Variants in GPM6A observed in about 807,000 individuals in gnomAD.
The protein encoded by GPM6A is neuronal membrane glycoprotein M6-a.
Under a neutral mutation model 32.1 loss-of-function variants are expected in GPM6A, and 7 were observed. The observed-to-expected ratio is 0.22, with a 90% CI of 0.12 to 0.41. The LOEUF (loss-of-function observed/expected upper bound fraction) is 0.41, where lower values mean the gene tolerates loss of function less well. Among genes scored for constraint, GPM6A ranks in the 10% least tolerant of loss-of-function variants. The probability of loss-of-function intolerance (pLI) is 1.00; values close to 1 mark genes in which losing one functional copy is unlikely to be tolerated. For missense variants in GPM6A, 235 were observed against 347.2 expected (o/e 0.68, Z 2.57); for synonymous variants, 130 against 123.4 (o/e 1.05, Z -0.35).
At chr4:175,674,828 T>C (rs1019136185) in intron 2 of GPM6A, among the ~76,000 whole-genome samples, 7 of 152,058 alleles carry the variant, frequency 4.6e-5, no homozygotes, top group African/African-American at 7.2e-5. Context: ...TGAGCCAAGA[T>C]ATGGCATACT....
chr4:175,749,554 TGTATA>T (rs1261786668), intron 1 of GPM6A, among the ~76,000 whole-genome samples: 6 of 152,206 alleles, frequency 3.9e-5, no homozygotes, highest in African/African-American at 1.4e-4. Flanking sequence ...AGCTTTAAAA[TGTATA>T]GTAATGTGTT....
intron 1 of GPM6A, among the ~76,000 whole-genome samples, chr4:175,845,948 G>A (rs1480852439): frequency 6.6e-6 from 1 of 151,948 alleles, no homozygotes; most frequent in East Asian, 1.9e-4. Context: ...ATACTTAAAA[G>A]TAGAGAAAAA....
At chr4:175,644,888 G>C (rs1230395749) in intron 4 of GPM6A, among the ~76,000 whole-genome samples, 6 of 151,714 alleles carry the variant, frequency 4.0e-5, no homozygotes, top group African/African-American at 1.4e-4. Context: ...AGGCGGATCA[G>C]CTGAGGTCAG....
chr4:175,718,610 T>C (rs577284590), intron 1 of GPM6A, among the ~76,000 whole-genome samples: 4 of 151,852 alleles, frequency 2.6e-5, no homozygotes, highest in Non-Finnish European at 4.4e-5. Flanking sequence ...ACTAAGACTC[T>C]GTCGAAAAAA....
At chr4:175,693,097 A>C (rs576755582) in intron 2 of GPM6A, among the ~76,000 whole-genome samples, 14 of 151,888 alleles carry the variant, frequency 9.2e-5, no homozygotes, top group Non-Finnish European at 2.1e-4. Context: ...CACTTTTCTC[A>C]CATACCTTTC....
intron 1 of GPM6A, among the ~76,000 whole-genome samples, chr4:175,803,166 CA>C (rs1367049575): frequency 2.8e-3 from 37 of 13,138 alleles, no homozygotes; most frequent in Non-Finnish European, 0.023. Flanking sequence ...GTTCTCGTTT[CA>C]TCATCATCAT....
chr4:175,887,655 G>C (rs764575212), intron 1 of GPM6A, among the ~76,000 whole-genome samples: 1 of 151,256 alleles, frequency 6.6e-6, no homozygotes, highest in Non-Finnish European at 1.5e-5. Context: ...GTGTTATCAA[G>C]AACAAAGGAG....
At chr4:175,830,621 G>T (rs924165862) in intron 1 of GPM6A, among the ~76,000 whole-genome samples, 3 of 152,118 alleles carry the variant, frequency 2.0e-5, no homozygotes, top group African/African-American at 7.2e-5. Flanking sequence ...GCAATAAATG[G>T]CAGAGTTGAG....
intron 1 of GPM6A, among the ~76,000 whole-genome samples, chr4:175,901,576 T>G (rs149774829): frequency 2.6e-5 from 4 of 151,376 alleles, no homozygotes; most frequent in African/African-American, 9.7e-5. Context: ...GGTGGGAGTG[T>G]AAATTTATAA....
chr4:175,916,123 G>C (rs1277845001), intron 1 of GPM6A, among the ~76,000 whole-genome samples: 1 of 152,202 alleles, frequency 6.6e-6, no homozygotes, highest in East Asian at 1.9e-4. Context: ...CAAAACAACA[G>C]TCTTCACAGG....
At chr4:175,861,315 A>T (rs1485434122) in intron 1 of GPM6A, among the ~76,000 whole-genome samples, 1 of 151,482 alleles carries the variant, frequency 6.6e-6, no homozygotes, top group Non-Finnish European at 1.5e-5. Context: ...AAGGATAAAT[A>T]AAAAGGATAA....
intron 1 of GPM6A, among the ~76,000 whole-genome samples, chr4:175,745,920 G>A (rs149994326): frequency 1.2e-3 from 175 of 152,142 alleles, no homozygotes; most frequent in African/African-American, 3.9e-3. Flanking sequence ...GAGAGATCAC[G>A]CTGTTTATAG....
intron 1 of GPM6A, among the ~76,000 whole-genome samples, chr4:175,824,004 T>C (rs1429657533): frequency 6.6e-6 from 1 of 152,206 alleles, no homozygotes; most frequent in Non-Finnish European, 1.5e-5. Context: ...GAGTTAGGCA[T>C]CTGAAATCTT....
At chr4:175,674,325 G>C (rs1444146452) in intron 2 of GPM6A, among the ~76,000 whole-genome samples, 1 of 152,120 alleles carries the variant, frequency 6.6e-6, no homozygotes, top group East Asian at 1.9e-4. Flanking sequence ...TTACAGGCAT[G>C]TGTCACCATG....
intron 1 of GPM6A, among the ~76,000 whole-genome samples, chr4:175,966,865 C>G (rs913178956): frequency 4.6e-5 from 7 of 152,096 alleles, no homozygotes; most frequent in Non-Finnish European, 1.0e-4. Flanking sequence ...GATGGGTCTA[C>G]TATTGAATTC....
At chr4:175,913,477 C>A (rs1738387278) in intron 1 of GPM6A, among the ~76,000 whole-genome samples, 2 of 152,192 alleles carry the variant, frequency 1.3e-5, no homozygotes, top group Admixed American at 6.5e-5. Flanking sequence ...TTGCTCACAA[C>A]CCTGCAAAGG....
At chr4:175,935,540 T>A (rs923123831) in intron 1 of GPM6A, among the ~76,000 whole-genome samples, 22 of 152,118 alleles carry the variant, frequency 1.4e-4, no homozygotes, top group African/African-American at 5.3e-4. Flanking sequence ...AAAGAAATAC[T>A]CAGAAAAATT....
At chr4:175,984,407 C>T (rs139941068) in intron 1 of GPM6A, among the ~76,000 whole-genome samples, 7 of 152,284 alleles carry the variant, frequency 4.6e-5, no homozygotes, top group East Asian at 1.9e-4. Flanking sequence ...TTGTGATCTA[C>T]CCACCTTGGC....
intron 1 of GPM6A, among the ~76,000 whole-genome samples, chr4:175,875,902 C>G (rs1175204919): frequency 6.6e-6 from 1 of 152,106 alleles, no homozygotes; most frequent in Non-Finnish European, 1.5e-5. Context: ...CTTTGGTAGA[C>G]TAACCCTTGA....
Sources: gnomAD v4.1 joint callset for allele counts (sites outside exome capture counted in the v4.1 genomes callset) on GRCh38, gnomAD v4.1.1 for gene constraint, MANE v1.5 for transcripts, NCBI Gene and HGNC (gene_info 2026-07-23, HGNC 2026-07-21) for gene names.